Variants in ANKS1B observed in about 807,000 individuals in gnomAD.
The protein encoded by ANKS1B is ankyrin repeat and sterile alpha motif domain-containing protein 1B.
A neutral mutation model predicts 148.3 loss-of-function variants in ANKS1B; 36 were observed. That is an observed-to-expected ratio of 0.24 (90% CI 0.19 to 0.32). The LOEUF is 0.32. ANKS1B is among the 10% of genes least tolerant of loss of function. The pLI, the probability that ANKS1B is intolerant of heterozygous loss-of-function variation, is 1.00. For synonymous variants in ANKS1B, 542 were observed against 560.8 expected (o/e 0.97, Z 0.47); for missense variants, 1,157 against 1,542.6 (o/e 0.75, Z 4.19).
intron 8 of ANKS1B, among the ~76,000 whole-genome samples, chr12:99,677,659 A>T (rs994137898): frequency 1.3e-5 from 2 of 152,148 alleles, no homozygotes; most frequent in Non-Finnish European, 2.9e-5. Context: ...TAAATTCTCC[A>T]TTTTTTAAGA....
At chr12:99,412,887 T>A (rs2094763273) in intron 11 of ANKS1B, among the ~76,000 whole-genome samples, 1 of 152,208 alleles carries the variant, frequency 6.6e-6, no homozygotes, top group Non-Finnish European at 1.5e-5. Context: ...TGGAAAATTA[T>A]TATATTTTCT....
At chr12:99,338,689 G>A (rs1050982314) in intron 12 of ANKS1B, among the ~76,000 whole-genome samples, 2 of 152,178 alleles carry the variant, frequency 1.3e-5, no homozygotes, top group African/African-American at 2.4e-5. Context: ...AGTACTGCCT[G>A]GTTACCACTG....
At chr12:98,784,544 G>GA (rs1299985394) in intron 22 of ANKS1B, among the ~76,000 whole-genome samples, 2 of 152,144 alleles carry the variant, frequency 1.3e-5, no homozygotes, top group African/African-American at 2.4e-5. Context: ...TTTGCAACAA[G>GA]AAAAAATTGT....
At chr12:99,288,058 A>T (rs373735255) in intron 12 of ANKS1B, among the ~76,000 whole-genome samples, 4 of 152,312 alleles carry the variant, frequency 2.6e-5, no homozygotes, top group East Asian at 1.9e-4. Context: ...TTACAAGAAC[A>T]AGAAGGTTCT....
intron 7 of ANKS1B, among the ~76,000 whole-genome samples, chr12:99,775,039 A>G (rs559107209): frequency 6.6e-6 from 1 of 152,250 alleles, no homozygotes; most frequent in South Asian, 2.1e-4. Context: ...ACAAAGGTTC[A>G]GTTATGGGGG....
chr12:99,306,786 T>C (rs2082406756), intron 12 of ANKS1B, among the ~76,000 whole-genome samples: 1 of 152,158 alleles, frequency 6.6e-6, no homozygotes, highest in South Asian at 2.1e-4. Context: ...TTTTCACATA[T>C]CTAGTGTTCA....
intron 12 of ANKS1B, among the ~76,000 whole-genome samples, chr12:99,328,034 T>A (rs2086817440): frequency 6.6e-6 from 1 of 151,902 alleles, no homozygotes; most frequent in Admixed American, 6.6e-5. Context: ...ATCATAAAGG[T>A]AAGGGCATCT....
chr12:99,411,243 C>A (rs139699544), intron 11 of ANKS1B, among the ~76,000 whole-genome samples: 9 of 152,290 alleles, frequency 5.9e-5, no homozygotes, highest in African/African-American at 1.9e-4. Flanking sequence ...CTACTGTTCC[C>A]ATCTTTATGT....
chr12:99,660,784 G>A (rs1311056392), intron 8 of ANKS1B, among the ~76,000 whole-genome samples: 1 of 151,996 alleles, frequency 6.6e-6, no homozygotes, highest in African/African-American at 2.4e-5. Flanking sequence ...AGCTTTTCAT[G>A]TTCTTCTGAT....
chr12:99,333,193 C>A (rs968614376), intron 12 of ANKS1B, among the ~76,000 whole-genome samples: 2 of 151,932 alleles, frequency 1.3e-5, no homozygotes, highest in Non-Finnish European at 2.9e-5. Flanking sequence ...GACTGCCATG[C>A]TTTGTACTTT....
At chr12:99,802,515 A>G (rs1405888023) in intron 4 of ANKS1B, among the ~76,000 whole-genome samples, 1 of 152,202 alleles carries the variant, frequency 6.6e-6, no homozygotes, top group Non-Finnish European at 1.5e-5. Context: ...TGCCCAAAGT[A>G]TTACTTACTA....
chr12:98,835,843 C>A (rs2099359832), intron 17 of ANKS1B, among the ~76,000 whole-genome samples: 1 of 152,112 alleles, frequency 6.6e-6, no homozygotes. Flanking sequence ...GAAATGAGCC[C>A]CCATCACTGA....
chr12:99,486,515 T>C (rs2152953242), intron 10 of ANKS1B, among the ~76,000 whole-genome samples: 1 of 152,182 alleles, frequency 6.6e-6, no homozygotes, highest in African/African-American at 2.4e-5. Flanking sequence ...GTATTTTATT[T>C]GCTGGTTTGA....
intron 8 of ANKS1B, among the ~76,000 whole-genome samples, chr12:99,661,802 C>T (rs2098478904): frequency 6.6e-6 from 1 of 152,132 alleles, no homozygotes; most frequent in Admixed American, 6.6e-5. Flanking sequence ...CCACATTGTC[C>T]AGTGTCTGTT....
At chr12:99,421,919 C>T (rs558690347) in intron 11 of ANKS1B, among the ~76,000 whole-genome samples, 19 of 152,134 alleles carry the variant, frequency 1.2e-4, no homozygotes, top group Non-Finnish European at 2.6e-4. Context: ...GGCACCTCCC[C>T]ACCAACCCCA....
intron 9 of ANKS1B, among the ~76,000 whole-genome samples, chr12:99,617,351 T>C (rs2097979357): frequency 6.6e-6 from 1 of 152,130 alleles, no homozygotes; most frequent in South Asian, 2.1e-4. Context: ...ATGTTTATTG[T>C]AGCACTATTT....
chr12:99,163,503 GTT>G (rs61302950), intron 14 of ANKS1B, among the ~76,000 whole-genome samples: 4,720 of 130,614 alleles, frequency 0.036, 235 homozygotes, highest in African/African-American at 0.13. Context: ...GTGTGTGTGT[GTT>G]TAGTTCTGTA....
chr12:99,806,683 A>G lies in ANKS1B; in HGVS notation c.390T>C (p.Thr130=), dbSNP rs781590374. Reference sequence around the variant, plus strand: ...CATATTGAGCTGCACAGTGTAGGGCAGTTTCATTTTCATTGTTCTAAGACA... The same window carrying G: ...CATATTGAGCTGCACAGTGTAGGGCGGTTTCATTTTCATTGTTCTAAGACA... The part of the protein sequence containing the change: ...RVNEQNNENE[T]ALHCAAQYGH... Residue 130 remains threonine (T), a synonymous_variant, in exon 4 of 27, where the codon ACT becomes ACC. Coordinates refer to ENST00000683438, the MANE Select transcript of ANKS1B (RefSeq NM_001352186.2). The G allele has an allele frequency of 6.9e-6, 11 of 1,598,050 alleles. No individual in the cohort carries two copies. In the East Asian group the frequency reaches 2.2e-4, roughly 33 times the overall value.
At chr12:99,248,770 G>T (rs879621542) in intron 12 of ANKS1B, among the ~76,000 whole-genome samples, 11 of 152,240 alleles carry the variant, frequency 7.2e-5, no homozygotes, top group Admixed American at 6.5e-4. Context: ...TCAAATTAAG[G>T]TCTATCAGAT....
Sources: gnomAD v4.1 joint callset for allele counts (sites outside exome capture counted in the v4.1 genomes callset) on GRCh38, gnomAD v4.1.1 for gene constraint, MANE v1.5 for transcripts, NCBI Gene and HGNC (gene_info 2026-07-23, HGNC 2026-07-21) for gene names.